Variants in NTNG1 observed in about 807,000 individuals in gnomAD.
The protein encoded by NTNG1 is netrin G1, also known as netrin-G1.
In NTNG1, 16 loss-of-function variants were observed where a neutral mutation model predicts 54.0. The ratio of observed to expected loss-of-function variants is 0.30; its 90% confidence interval spans 0.20 to 0.45. The LOEUF is 0.45. Ranked by LOEUF, NTNG1 falls within the 20% of genes least tolerant of loss-of-function variation. NTNG1 has a pLI of 1.00. For synonymous variants in NTNG1, 255 were observed against 263.1 expected (o/e 0.97, Z 0.30); for missense variants, 530 against 678.7 (o/e 0.78, Z 2.43).
chr1:107,332,089 A>C (rs4915037), intron 3 of NTNG1, among the ~76,000 whole-genome samples: 116,156 of 151,958 alleles, frequency 0.76, 46,827 homozygotes, highest in Non-Finnish European at 0.9. Flanking sequence ...CAACTGAGGG[A>C]CATTCTGATT....
intron 2 of NTNG1, among the ~76,000 whole-genome samples, chr1:107,268,750 C>G (rs961525808): frequency 2.6e-5 from 4 of 152,284 alleles, no homozygotes; most frequent in Admixed American, 6.5e-5. Context: ...CAATTCCCAC[C>G]TCCTTCCCAA....
intron 2 of NTNG1, among the ~76,000 whole-genome samples, chr1:107,231,611 C>A (rs1403256511): frequency 6.6e-6 from 1 of 152,048 alleles, no homozygotes; most frequent in African/African-American, 2.4e-5. Flanking sequence ...AGAACTTCAC[C>A]ACTTGTTAAA....
At position 107,283,881 on chromosome 1, in the gene NTNG1, T is replaced by G. The variant is rs141985092; in HGVS notation, c.247-40401T>G. On this transcript the variant is annotated intron_variant, in intron 2 of 7. Coordinates refer to ENST00000370068, the MANE Select transcript of NTNG1 (RefSeq NM_001113226.3). ...TTTCAGTTATTCATTTGCATGCCCT[T>G]AATTGTTGCCTCTAATTTTGGCATA... is the stretch of plus-strand genomic sequence containing the variant. 2.8e-3 allele frequency among the ~76,000 whole-genome samples: 425 copies of G among 152,312 alleles called. 2 individuals carry two copies. Among genetic ancestry groups the G allele is most frequent in the African/African-American group, 9.8e-3 (408 of 41,586 alleles).
intron 3 of NTNG1, among the ~76,000 whole-genome samples, chr1:107,394,330 T>C (rs1043539322): frequency 6.6e-6 from 1 of 152,200 alleles, no homozygotes; most frequent in Non-Finnish European, 1.5e-5. Context: ...TTTGTGGAAA[T>C]TGCATATTCC....
intron 2 of NTNG1, among the ~76,000 whole-genome samples, chr1:107,303,476 C>CTTT (rs1666452292): frequency 6.7e-6 from 1 of 150,150 alleles, no homozygotes; most frequent in South Asian, 2.1e-4. Context: ...TCAAAAATTA[C>CTTT]AATGCAGATG....
At chr1:107,436,600 C>T in intron 6 of NTNG1, 65 bp from the exon 7 acceptor site, 1 of 1,448,022 alleles carries the variant, frequency 6.9e-7, no homozygotes, top group Non-Finnish European at 9.4e-7. Context: ...CGTGACGCTC[C>T]TGTGTTGATA....
chr1:107,435,756 T>G (rs1675555016), intron 6 of NTNG1, among the ~76,000 whole-genome samples: 1 of 152,078 alleles, frequency 6.6e-6, no homozygotes, highest in Non-Finnish European at 1.5e-5. Flanking sequence ...CACAATAACT[T>G]CCTCAAAAGT....
chr1:107,283,674 T>C (rs1024606168), intron 2 of NTNG1, among the ~76,000 whole-genome samples: 3 of 152,178 alleles, frequency 2.0e-5, no homozygotes, highest in Non-Finnish European at 2.9e-5. Context: ...TTTTTATCTT[T>C]TCAATCCAAT....
Position 107,336,518 on chromosome 1 carries a change from T to C in NTNG1, c.887+11596T>C, listed in dbSNP as rs77162246. Among the ~76,000 whole-genome samples, 584 of 151,982 alleles carry C rather than the reference T, an allele frequency of 3.8e-3. 4 individuals carry two copies. The highest frequency in any genetic ancestry group is 0.02 in the Middle Eastern group (6 of 294). On this transcript the variant is annotated intron_variant, in intron 3 of 7. Coordinates refer to ENST00000370068, the MANE Select transcript of NTNG1 (RefSeq NM_001113226.3). ...AAATGTAAGAGCTAAAACTATGAAA[T>C]GTTTAGAAAAAAACAAAGGAAGAAA...
At chr1:107,475,573 A>G (rs935765372) in intron 7 of NTNG1, among the ~76,000 whole-genome samples, 1 of 152,180 alleles carries the variant, frequency 6.6e-6, no homozygotes, top group African/African-American at 2.4e-5. Flanking sequence ...TTTCCAATTC[A>G]AGTACTTAGT....
At chr1:107,390,277 A>G (rs1245153457) in intron 3 of NTNG1, among the ~76,000 whole-genome samples, 1 of 152,212 alleles carries the variant, frequency 6.6e-6, no homozygotes, top group Non-Finnish European at 1.5e-5. Flanking sequence ...ACGTTCAAGC[A>G]ATGCCCTTCC....
At chr1:107,395,542 T>G in intron 4 of NTNG1, 1 of 726,500 alleles carries the variant, frequency 1.4e-6, no homozygotes, top group African/African-American at 1.7e-5. Flanking sequence ...ACATCAAATG[T>G]GTTGGGAAAT....
intron 5 of NTNG1, among the ~76,000 whole-genome samples, chr1:107,417,270 T>C (rs1451048419): frequency 6.6e-6 from 1 of 152,122 alleles, no homozygotes; most frequent in Non-Finnish European, 1.5e-5. Context: ...TTTGCCTTTG[T>C]GGATATATGT....
At chr1:107,283,465 A>G (rs1413957991) in intron 2 of NTNG1, among the ~76,000 whole-genome samples, 1 of 152,198 alleles carries the variant, frequency 6.6e-6, no homozygotes, top group East Asian at 1.9e-4. Context: ...CACATGGGTT[A>G]TGTTAGTGCA....
chr1:107,348,968 T>C (rs1364829148), intron 3 of NTNG1, among the ~76,000 whole-genome samples: 6 of 152,192 alleles, frequency 3.9e-5, no homozygotes, highest in Admixed American at 2.6e-4. Context: ...GGCTTTTAAA[T>C]GCATTTCAGA....
In NTNG1 at chr1:107,290,954, A is replaced by G. The variant is rs540956857; in HGVS notation, c.247-33328A>G. The stretch of plus-strand genomic sequence containing the variant: ...CATGTGGAGATATTTTAAAGTGCAT[A>G]TATATATATTATATATATATATATA... On this transcript the variant is annotated intron_variant, in intron 2 of 7. Coordinates refer to ENST00000370068, the MANE Select transcript of NTNG1 (RefSeq NM_001113226.3). 1.6e-4 allele frequency among the ~76,000 whole-genome samples: 21 copies of G among 133,476 alleles called. No homozygotes were observed. The South Asian group carries it at 2.4e-3, about 15-fold the overall frequency. 87.6% of individuals were successfully genotyped at this position (133,476 alleles called of 152,430 possible). A position where few individuals can be genotyped will look rare whatever the true frequency, so the allele number is the denominator to read the frequency against.
chr1:107,155,665 T>C (rs527727042), intron 2 of NTNG1, among the ~76,000 whole-genome samples: 1 of 152,286 alleles, frequency 6.6e-6, no homozygotes, highest in East Asian at 1.9e-4. Flanking sequence ...CTTGCTAATG[T>C]ATAGTAGGAA....
chr1:107,201,383 C>T (rs1181185923), intron 2 of NTNG1, among the ~76,000 whole-genome samples: 1 of 151,754 alleles, frequency 6.6e-6, no homozygotes, highest in Non-Finnish European at 1.5e-5. Context: ...GTTAAATAGC[C>T]CTTCAGTTCT....
intron 3 of NTNG1, among the ~76,000 whole-genome samples, chr1:107,386,064 T>C (rs913780555): frequency 8.8e-5 from 13 of 148,322 alleles, no homozygotes; most frequent in African/African-American, 3.2e-4. Flanking sequence ...TGAAGGAAAC[T>C]GTATATATAC....
Sources: gnomAD v4.1 joint callset for allele counts (sites outside exome capture counted in the v4.1 genomes callset) on GRCh38, gnomAD v4.1.1 for gene constraint, MANE v1.5 for transcripts, NCBI Gene and HGNC (gene_info 2026-07-23, HGNC 2026-07-21) for gene names.